The following NAV3 variants were observed in gnomAD, a reference collection of about 807,000 sequenced individuals.
NAV3 encodes pore membrane and/or filament interacting like protein 1.
A neutral mutation model predicts 244.7 loss-of-function variants in NAV3; 87 were observed. That is an observed-to-expected ratio of 0.36 (90% CI 0.30 to 0.42). The LOEUF (loss-of-function observed/expected upper bound fraction) is 0.42. Among genes scored for constraint, NAV3 ranks in the 20% least tolerant of loss-of-function variants. The pLI, the probability that NAV3 is intolerant of heterozygous loss-of-function variation, is 1.00. For missense variants in NAV3, 2,663 were observed against 2,893.3 expected, an observed-to-expected ratio of 0.92 and a Z score of 1.83; for synonymous variants, 1,126 against 1,042.2, an observed-to-expected ratio of 1.08 and a Z score of -1.55.
Position 77,913,817 on chromosome 12 carries a change from G to A in NAV3, c.244-26502G>A, listed in dbSNP as rs182792695. ...TAGCTTGTGCTAAGCTTCAGACAGA[G>A]AATTTAAAAGTATGTTTCCTTAATT... On this transcript the variant is annotated intron_variant, in intron 1 of 39. Transcript: ENST00000397909. Among the ~76,000 whole-genome samples, 4 of 152,208 alleles carry A rather than the reference G, an allele frequency of 2.6e-5. No homozygotes were observed. The East Asian group carries it at 7.7e-4, about 29-fold the overall frequency.
At chr12:77,880,930 A>G (rs1316928201) in intron 1 of NAV3, among the ~76,000 whole-genome samples, 1 of 150,784 alleles carries the variant, frequency 6.6e-6, no homozygotes, top group African/African-American at 2.5e-5. Flanking sequence ...ATGAAGTGAC[A>G]CATTGCTTTA....
chr12:77,903,123 C>T (rs1181471857), intron 1 of NAV3, among the ~76,000 whole-genome samples: 1 of 152,130 alleles, frequency 6.6e-6, no homozygotes, highest in African/African-American at 2.4e-5. Flanking sequence ...TGACTTTCTT[C>T]ACAGAATTGG....
chr12:78,047,367 G>T (rs1881997146), intron 9 of NAV3, among the ~76,000 whole-genome samples: 2 of 152,200 alleles, frequency 1.3e-5, no homozygotes, highest in Non-Finnish European at 2.9e-5. Flanking sequence ...GGTGCCTGTA[G>T]TCCCAGCTAC....
chr12:78,021,674 G>C, intron 8 of NAV3, 73 bp from the exon 9 acceptor site: 2 of 1,012,762 alleles, frequency 2.0e-6, no homozygotes, highest in South Asian at 2.8e-5. Flanking sequence ...AATATTTCTT[G>C]TAGAACTTCC....
intron 2 of NAV3, among the ~76,000 whole-genome samples, chr12:77,595,177 C>T (rs886852283): frequency 1.6e-4 from 25 of 151,596 alleles, no homozygotes; most frequent in Middle Eastern, 3.4e-3. Context: ...GATGGGTTAA[C>T]GGATAAAGAC....
At chr12:77,771,029 A>G (rs926367753) in intron 2 of NAV3, among the ~76,000 whole-genome samples, 2 of 152,216 alleles carry the variant, frequency 1.3e-5, no homozygotes, top group African/African-American at 4.8e-5. Context: ...CAAAGGGCTA[A>G]TATCCAGAAT....
chr12:78,186,540 T>C (rs1436451545), intron 31 of NAV3, among the ~76,000 whole-genome samples: 1 of 151,896 alleles, frequency 6.6e-6, no homozygotes, highest in Non-Finnish European at 1.5e-5. Context: ...AGTAATACTC[T>C]TAGTGAAACA....
At chr12:77,642,168 G>A (rs1157759294) in intron 2 of NAV3, among the ~76,000 whole-genome samples, 3 of 152,120 alleles carry the variant, frequency 2.0e-5, no homozygotes, top group Non-Finnish European at 4.4e-5. Flanking sequence ...CTTCCAATGG[G>A]GTTGGAAGGA....
intron 12 of NAV3, among the ~76,000 whole-genome samples, chr12:78,094,676 T>C (rs1044781920): frequency 1.3e-5 from 2 of 152,220 alleles, no homozygotes; most frequent in African/African-American, 4.8e-5. Context: ...ACGGTGAAGA[T>C]ATTTTTAATT....
At chr12:77,644,272 C>G (rs1872532692) in intron 2 of NAV3, among the ~76,000 whole-genome samples, 1 of 152,098 alleles carries the variant, frequency 6.6e-6, no homozygotes, top group East Asian at 1.9e-4. Flanking sequence ...TAGAAGATTT[C>G]TTTATGTCCC....
intron 12 of NAV3, among the ~76,000 whole-genome samples, chr12:78,070,079 A>G (rs1952679677): frequency 6.6e-6 from 1 of 152,066 alleles, no homozygotes; most frequent in African/African-American, 2.4e-5. Flanking sequence ...AAACTCTATC[A>G]TTTGTTTCTC....
intron 18 of NAV3, 104 bp downstream of exon 18, chr12:78,128,970 A>G: frequency 1.9e-6 from 2 of 1,074,000 alleles, no homozygotes; most frequent in Non-Finnish European, 2.7e-6. Context: ...ATTTAAAGGG[A>G]GGGATAAAAG....
chr12:77,583,558 G>T (rs934368916), intron 2 of NAV3, among the ~76,000 whole-genome samples: 3 of 152,074 alleles, frequency 2.0e-5, no homozygotes, highest in Non-Finnish European at 4.4e-5. Flanking sequence ...TGTTTTGGGG[G>T]AAAACTACAA....
chr12:77,901,176 G>A lies in NAV3; in HGVS notation c.244-39143G>A, dbSNP rs143216985. 1.2e-4 allele frequency among the ~76,000 whole-genome samples: 19 copies of A among 152,140 alleles called. No individual in the cohort carries two copies. In the East Asian group the frequency reaches 1.5e-3, roughly 12 times the overall value. The stretch of plus-strand genomic sequence containing the variant: ...TATTTTCTCCCATTTTATAGATTGC[G>A]TATTTACTCTATTGATAGTTTCTTC... On this transcript the variant is annotated intron_variant, in intron 1 of 39. Coordinates refer to ENST00000397909, the MANE Select transcript of NAV3 (RefSeq NM_001024383.2).
chr12:77,831,327 T>C lies in NAV3; in HGVS notation c.-135T>C. 1.1e-6 allele frequency: 1 copy of C among 937,562 alleles called. No homozygotes were observed. Among genetic ancestry groups the C allele is most frequent in the South Asian group, 2.6e-5 (1 of 39,150 alleles). 58.1% of individuals were successfully genotyped at this position (937,562 alleles called of 1,614,324 possible). On this transcript the variant is annotated 5_prime_UTR_variant, in exon 1 of 40. Coordinates refer to ENST00000397909, the MANE Select transcript of NAV3 (RefSeq NM_001024383.2). Reference sequence around the variant, plus strand: ...TTTTGCCTCTTCCTGAAAATTATATTATTAGCTTTTTAAAAATCAGGATGA... The same window carrying C: ...TTTTGCCTCTTCCTGAAAATTATATCATTAGCTTTTTAAAAATCAGGATGA...
At chr12:77,778,241 T>TC (rs1397622416) in intron 2 of NAV3, among the ~76,000 whole-genome samples, 1 of 138,236 alleles carries the variant, frequency 7.2e-6, no homozygotes, top group East Asian at 2.4e-4. Flanking sequence ...TCTTCTTTCC[T>TC]CCCCCCCGCC....
intron 1 of NAV3, among the ~76,000 whole-genome samples, chr12:77,855,124 C>A (rs1878194513): frequency 6.6e-6 from 1 of 152,024 alleles, no homozygotes; most frequent in Non-Finnish European, 1.5e-5. Context: ...GAGACTCCAT[C>A]TCCAAAAATA....
In NAV3 at chr12:78,119,691, C is replaced by T. The variant is rs753483302; in HGVS notation, c.3495C>T (p.Asn1165=). 8 of 1,614,192 alleles carry T rather than the reference C, an allele frequency of 5.0e-6. No homozygotes were observed. The highest frequency in any genetic ancestry group is 2.2e-5 in the East Asian group (1 of 44,880). Residue 1165 remains asparagine (N), a synonymous_variant, in exon 15 of 40, where the codon AAC becomes AAT. Transcript: ENST00000397909. ...HRSSTSSIDS[N]VSSKSAGATT... ...CCAGTACCAGCAGTATTGATTCCAA[C>T]GTCAGCAGCAAGTCTGCTGGGGCCA... is the stretch of plus-strand genomic sequence containing the variant.
intron 2 of NAV3, among the ~76,000 whole-genome samples, chr12:77,694,816 C>T (rs893155719): frequency 6.6e-6 from 1 of 152,146 alleles, no homozygotes; most frequent in African/African-American, 2.4e-5. Context: ...CCTTTCTAGG[C>T]TTTGTCCATA....
Sources: allele counts gnomAD v4.1 joint callset (sites outside exome capture counted in the v4.1 genomes callset), GRCh38; gene constraint gnomAD v4.1.1; transcripts MANE v1.5; gene names NCBI Gene and HGNC (gene_info 2026-07-23, HGNC 2026-07-21).